The following SAMD12 variants were observed in gnomAD, a reference collection of about 807,000 sequenced individuals.
SAMD12 encodes sterile alpha motif domain containing 12.
In SAMD12, 9 loss-of-function variants were observed where a neutral mutation model predicts 15.0. That is an observed-to-expected ratio of 0.60 (90% CI 0.36 to 1.05). The LOEUF (loss-of-function observed/expected upper bound fraction) is 1.05, where lower values mean the gene tolerates loss of function less well. Among genes scored for constraint, SAMD12 ranks in the 50% least tolerant of loss-of-function variants. The probability of loss-of-function intolerance (pLI) is 0.01; values close to 1 mark genes in which losing one functional copy is unlikely to be tolerated. For missense variants in SAMD12, 230 were observed against 234.2 expected, an observed-to-expected ratio of 0.98 and a Z score of 0.12; for synonymous variants, 86 against 90.1, an observed-to-expected ratio of 0.96 and a Z score of 0.25.
At chr8:118,465,571 G>A (rs186637512) in intron 2 of SAMD12, among the ~76,000 whole-genome samples, 4 of 152,190 alleles carry the variant, frequency 2.6e-5, no homozygotes, top group Admixed American at 2.6e-4. Flanking sequence ...CACAGCAAAG[G>A]GTAAGACATA....
intron 2 of SAMD12, among the ~76,000 whole-genome samples, chr8:118,534,310 C>T (rs1028063109): frequency 2.0e-5 from 3 of 152,186 alleles, no homozygotes; most frequent in Non-Finnish European, 4.4e-5. Flanking sequence ...GCAGAGAGAT[C>T]CGCTGTTAGT....
chr8:118,276,156 T>C (rs1351733171), intron 4 of SAMD12, among the ~76,000 whole-genome samples: 1 of 152,220 alleles, frequency 6.6e-6, no homozygotes, highest in Admixed American at 6.5e-5. Context: ...TAGTGTTCCA[T>C]ATAAGGCCAA....
chr8:118,167,579 A>AGT, the SAMD12 span, among the ~76,000 whole-genome samples: 5,379 of 152,278 alleles, frequency 0.035, 309 homozygotes, highest in African/African-American at 0.12. Flanking sequence ...GCTATCAGGA[A>AGT]GTGGGGGAAA....
At chr8:118,575,147 C>A (rs1318499536) in intron 2 of SAMD12, among the ~76,000 whole-genome samples, 1 of 152,202 alleles carries the variant, frequency 6.6e-6, no homozygotes, top group Non-Finnish European at 1.5e-5. Flanking sequence ...TCTCCTCCTC[C>A]TGCCTCCAGC....
intron 2 of SAMD12, among the ~76,000 whole-genome samples, chr8:118,473,382 A>G (rs1253682660): frequency 6.6e-6 from 1 of 152,216 alleles, no homozygotes; most frequent in Non-Finnish European, 1.5e-5. Flanking sequence ...GAATCTAAAG[A>G]AAATGTTCTG....
intron 4 of SAMD12, among the ~76,000 whole-genome samples, chr8:118,217,974 A>G (rs1186014810): frequency 1.3e-5 from 2 of 152,128 alleles, no homozygotes; most frequent in African/African-American, 2.4e-5. Flanking sequence ...GTGCCTCACC[A>G]TGGGCCTCTC....
chr8:118,448,027 C>T (rs1203574915), intron 2 of SAMD12, among the ~76,000 whole-genome samples: 1 of 152,204 alleles, frequency 6.6e-6, no homozygotes, highest in African/African-American at 2.4e-5. Context: ...CGCGCCCAGC[C>T]TCTTTGATGT....
At chr8:118,196,053 T>A (rs1271744656) in exon 5 of SAMD12, 1 of 152,248 alleles carries the variant, frequency 6.6e-6, no homozygotes, top group Non-Finnish European at 1.5e-5. Context: ...AGCCCCCTTC[T>A]CTGGCTCTGC....
intron 4 of SAMD12, among the ~76,000 whole-genome samples, chr8:118,302,722 G>A (rs1447972986): frequency 6.6e-6 from 1 of 152,176 alleles, no homozygotes; most frequent in Non-Finnish European, 1.5e-5. Flanking sequence ...GGGGAGGAAA[G>A]GTAGCTTTGA....
At chr8:118,317,808 G>T (rs1045868569) in intron 4 of SAMD12, among the ~76,000 whole-genome samples, 6 of 152,080 alleles carry the variant, frequency 3.9e-5, no homozygotes, top group Non-Finnish European at 8.8e-5. Flanking sequence ...AGAAAAGTGG[G>T]CAAGAATCCT....
rs765711074 is a variant in SAMD12, at chr8:118,379,398, T to C, written c.*19A>G. On this transcript the variant is annotated 3_prime_UTR_variant, in exon 4 of 4. Transcript: ENST00000314727. ...TCTCCCTAGTGAGCTATGAAAAAAG[T>C]TTTCAAAGGGAAGTAATCTTAAATC... 2 of 1,607,636 alleles carry C rather than the reference T, an allele frequency of 1.2e-6. No homozygotes were observed. The highest frequency in any genetic ancestry group is 1.7e-5 in the Admixed American group (1 of 59,584).
At chr8:118,177,420 C>A in the SAMD12 span, among the ~76,000 whole-genome samples, 1 of 148,634 alleles carries the variant, frequency 6.7e-6, no homozygotes, top group Admixed American at 6.7e-5. Context: ...TTTTTTTAAT[C>A]TTTTGTAGAG....
chr8:118,387,846 T>C (rs1190153742), intron 3 of SAMD12, among the ~76,000 whole-genome samples: 3 of 152,178 alleles, frequency 2.0e-5, no homozygotes, highest in East Asian at 3.9e-4. Flanking sequence ...AACATTATCA[T>C]AGCATCACTA....
At chr8:118,585,884 G>A (rs1260579933) in intron 1 of SAMD12, among the ~76,000 whole-genome samples, 2 of 152,200 alleles carry the variant, frequency 1.3e-5, no homozygotes, top group Non-Finnish European at 2.9e-5. Flanking sequence ...GATGCTAGAA[G>A]AGTTGAGGGG....
intron 4 of SAMD12, among the ~76,000 whole-genome samples, chr8:118,221,330 G>A (rs1812077509): frequency 6.6e-6 from 1 of 152,128 alleles, no homozygotes. Flanking sequence ...TGGAAACCGT[G>A]AGGAATAATT....
chr8:118,478,860 T>TC (rs1824041734), intron 2 of SAMD12, among the ~76,000 whole-genome samples: 1 of 152,208 alleles, frequency 6.6e-6, no homozygotes, highest in African/African-American at 2.4e-5. Context: ...GAGCTGACAC[T>TC]CCATTATTTG....
At chr8:118,385,536 A>G (rs754618274) in intron 3 of SAMD12, among the ~76,000 whole-genome samples, 4 of 152,128 alleles carry the variant, frequency 2.6e-5, no homozygotes. Context: ...AATTTCTTAT[A>G]ATAAATCTCT....
intron 4 of SAMD12, among the ~76,000 whole-genome samples, chr8:118,322,107 T>A (rs57865924): frequency 0.091 from 13,860 of 152,060 alleles, 835 homozygotes; most frequent in Non-Finnish European, 0.12. Context: ...CTCAGAGGTG[T>A]CTCTGAAATA....
intron 4 of SAMD12, among the ~76,000 whole-genome samples, chr8:118,301,487 C>T (rs531014461): frequency 1.2e-3 from 190 of 152,290 alleles, no homozygotes; most frequent in Middle Eastern, 3.4e-3. Context: ...GGATGAATCA[C>T]TAACCAGTAC....
Sources: gnomAD v4.1 joint callset for allele counts (sites outside exome capture counted in the v4.1 genomes callset) on GRCh38, gnomAD v4.1.1 for gene constraint, MANE v1.5 for transcripts, NCBI Gene and HGNC (gene_info 2026-07-23, HGNC 2026-07-21) for gene names.